Variants in EXOC3 observed in about 807,000 individuals in gnomAD.
The protein encoded by EXOC3 is exocyst complex component 3.
Under a neutral mutation model 73.7 loss-of-function variants are expected in EXOC3, and 21 were observed. The ratio of observed to expected loss-of-function variants is 0.29; its 90% CI spans 0.20 to 0.41. The LOEUF is 0.41. Among genes scored for constraint, EXOC3 ranks in the 10% least tolerant of loss-of-function variants. EXOC3 has a pLI of 1.00. For synonymous variants in EXOC3, 410 were observed against 389.1 expected, an observed-to-expected ratio of 1.05 and a Z score of -0.63; for missense variants, 842 against 985.1, an observed-to-expected ratio of 0.85 and a Z score of 1.95.
chr5:466,715 C>T lies in EXOC3; in HGVS notation c.2067-12C>T, dbSNP rs375645389. ...GCTAAGTGGGCATGGGCTGACATCT[C>T]CCCATCCCCAGGGATGACCACATCG... On this transcript the variant is annotated splice_polypyrimidine_tract_variant and intron_variant, in intron 12 of 12. Transcript: ENST00000512944. 3 of 1,607,038 alleles carry T rather than the reference C, an allele frequency of 1.9e-6. No individual in the cohort carries two copies. The highest frequency in any genetic ancestry group is 1.3e-5 in the African/African-American group (1 of 74,850).
In EXOC3 at chr5:443,182, G is replaced by A. The variant is rs1737375839; in HGVS notation, c.-165G>A. The stretch of plus-strand genomic sequence containing the variant: ...AAGTGCCCGCGCGCTGTCCACTTCC[G>A]GCCGGGACCCCGGAGGCGGAGGCAG... On this transcript the variant is annotated 5_prime_UTR_variant, in exon 1 of 13. Coordinates refer to ENST00000512944, the MANE Select transcript of EXOC3 (RefSeq NM_007277.5). The A allele has an allele frequency of 6.3e-6, 1 of 159,462 alleles. No homozygotes were observed. 9.9% of individuals were successfully genotyped at this position (159,462 alleles called of 1,614,324 possible). A position where few individuals can be genotyped will look rare whatever the true frequency, so the allele number is the denominator to read the frequency against.
intron 6 of EXOC3, 126 bp downstream of exon 6, chr5:458,151 C>G (rs986241124): frequency 1.0e-6 from 1 of 971,670 alleles, no homozygotes; most frequent in African/African-American, 1.6e-5. Context: ...ATTGAGAGCC[C>G]TGCCTGGTGC....
At chr5:446,089 A>G in intron 1 of EXOC3, 61 bp from the exon 2 acceptor site, 1 of 1,148,678 alleles carries the variant, frequency 8.7e-7, no homozygotes, top group Non-Finnish European at 1.3e-6. Context: ...CACTGTGATC[A>G]CCTGATAGTT....
In EXOC3 at chr5:454,198, T is replaced by A. The variant is rs189879344; in HGVS notation, c.1046+147T>A. ...AGCCTTGGTTTCCAGCCCAGGGGTG[T>A]CTTCTTTCTGCTCTGCCTGCTGGTG... On this transcript the variant is annotated intron_variant, in intron 4 of 12. Coordinates refer to ENST00000512944, the MANE Select transcript of EXOC3 (RefSeq NM_007277.5). The A allele has an allele frequency of 1.3e-4, 83 of 652,500 alleles. No homozygotes were observed. In the East Asian group the frequency reaches 2.0e-3, roughly 16 times the overall value. The allele number at this position is 652,500 out of a possible 1,614,324, so 40.4% of individuals were successfully genotyped here. A position where few individuals can be genotyped will look rare whatever the true frequency, so the allele number is the denominator to read the frequency against.
chr5:466,718 C>A lies in EXOC3; in HGVS notation c.2067-9C>A. 1 of 1,607,912 alleles carries A rather than the reference C, an allele frequency of 6.2e-7. No individual in the cohort carries two copies. The highest frequency in any genetic ancestry group is 8.5e-7 in the Non-Finnish European group (1 of 1,176,338). Reference sequence around the variant, plus strand: ...AAGTGGGCATGGGCTGACATCTCCCCATCCCCAGGGATGACCACATCGGTG... The same window carrying A: ...AAGTGGGCATGGGCTGACATCTCCCAATCCCCAGGGATGACCACATCGGTG... On this transcript the variant is annotated splice_polypyrimidine_tract_variant and intron_variant, in intron 12 of 12. Coordinates refer to ENST00000512944, the MANE Select transcript of EXOC3 (RefSeq NM_007277.5).
Position 464,398 on chromosome 5 carries a change from A to G in EXOC3, c.1762A>G (p.Lys588Glu), listed in dbSNP as rs760315956. ...TTTCAACGATTTTGCCAAAATTAAA[A>G]AGCCGTATAAGAAGGTAAGAAGGTG... is the stretch of plus-strand genomic sequence containing the variant. ...DYFNDFAKIKKPYKKRMTAEA... is the reference protein window; with the variant it reads ...DYFNDFAKIKEPYKKRMTAEA... Residue 588 changes from lysine (K) to glutamate (E), a missense_variant, in exon 10 of 13, where the codon AAG becomes GAG. By Grantham distance (56) the Lys-to-Glu change is moderately conservative. Transcript: ENST00000512944. The G allele has an allele frequency of 4.3e-6, 7 of 1,613,592 alleles. No homozygotes were observed. The East Asian group carries it at 1.6e-4, about 36-fold the overall frequency.
rs1738075748 is a variant in EXOC3 at position 464,432 on chromosome 5, T to A, written c.1776+20T>A. 6.2e-7 allele frequency: 1 copy of A among 1,610,518 alleles called. No individual in the cohort carries two copies. Among genetic ancestry groups the A allele is most frequent in the Non-Finnish European group, 8.5e-7 (1 of 1,177,750 alleles). Reference sequence around the variant, plus strand: ...AAGAAGGTAAGAAGGTGGGACCTAGTTCCCTCATCACCTTGACGCTAGGGC... The same window carrying A: ...AAGAAGGTAAGAAGGTGGGACCTAGATCCCTCATCACCTTGACGCTAGGGC... On this transcript the variant is annotated intron_variant, in intron 10 of 12. Transcript: ENST00000512944.
chr5:462,938 T>C (rs1385572897), intron 9 of EXOC3, among the ~76,000 whole-genome samples: 1 of 152,176 alleles, frequency 6.6e-6, no homozygotes, highest in Non-Finnish European at 1.5e-5. Flanking sequence ...AAACCCCATC[T>C]CTACTCAAAA....
At chr5:446,103 G>A in intron 1 of EXOC3, 47 bp from the exon 2 acceptor site, 1 of 1,309,996 alleles carries the variant, frequency 7.6e-7, no homozygotes, top group Non-Finnish European at 1.1e-6. Flanking sequence ...GATAGTTTGG[G>A]GGAGGTTTTG....
Position 465,669 on chromosome 5 carries a change from C to T in EXOC3, c.1939-49C>T. On this transcript the variant is annotated intron_variant, in intron 11 of 12. Transcript: ENST00000512944. The stretch of plus-strand genomic sequence containing the variant: ...TCAGCCAGAATCCAGCTGCTCCCAG[C>T]GCCGCGGGACAGCCGAGGGCGGCTC... The T allele has an allele frequency of 3.1e-6, 5 of 1,609,200 alleles. No individual in the cohort carries two copies. In the South Asian group the frequency reaches 5.5e-5, roughly 18 times the overall value.
chr5:447,718 C>G lies in EXOC3; in HGVS notation c.330C>G (p.Ala110=). ...KDAVVQHSQL[A]AAVENLKNIF... ...CCGTGGTGCAGCACAGCCAGCTCGC[C>G]GCAGCCGTGGAGAACCTCAAGAACA... Residue 110 remains alanine, a synonymous_variant, in exon 3 of 13, where the codon GCC becomes GCG. Coordinates refer to ENST00000512944, the MANE Select transcript of EXOC3 (RefSeq NM_007277.5). 6.3e-7 allele frequency: 1 copy of G among 1,581,604 alleles called. No homozygotes were observed. Among genetic ancestry groups the G allele is most frequent in the Non-Finnish European group, 8.6e-7 (1 of 1,162,316 alleles).
At position 466,956 on chromosome 5, in the gene EXOC3, G is replaced by A. The variant is rs377267756; in HGVS notation, c.*58G>A. ...AGCCTCGGTCCCTGCCTTTAGAAAC[G>A]CGGGACAGCTGATTGCTCTCCTTGG... On this transcript the variant is annotated 3_prime_UTR_variant, in exon 13 of 13. Transcript: ENST00000512944. 28 of 1,485,274 alleles carry A rather than the reference G, an allele frequency of 1.9e-5. No homozygotes were observed. The African/African-American group carries it at 2.1e-4, about 11-fold the overall frequency. The allele number at this position is 1,485,274 out of a possible 1,614,324, so 92.0% of individuals were successfully genotyped here. A position where few individuals can be genotyped will look rare whatever the true frequency, so the allele number is the denominator to read the frequency against.
chr5:458,405 C>T (rs1012112951), intron 6 of EXOC3, among the ~76,000 whole-genome samples: 15 of 152,138 alleles, frequency 9.9e-5, no homozygotes, highest in Admixed American at 3.3e-4. Flanking sequence ...ATTTTGGGAG[C>T]GTCCATTATT....
chr5:456,392 C>T (rs1363186882), intron 4 of EXOC3, among the ~76,000 whole-genome samples: 9 of 75,668 alleles, frequency 1.2e-4, no homozygotes, highest in Admixed American at 1.1e-3. Context: ...GCGCCCGTGG[C>T]TGTGGGGGCG....
chr5:449,964 G>T (rs72717442), intron 3 of EXOC3, among the ~76,000 whole-genome samples: 21,292 of 152,278 alleles, frequency 0.14, 1,937 homozygotes, highest in Non-Finnish European at 0.2. Context: ...TATCCCTTAT[G>T]GCTGGGTGCG....
At position 446,142 on chromosome 5, in the gene EXOC3, T is replaced by A; in HGVS notation, c.-56-8T>A. 1 of 1,597,924 alleles carries A rather than the reference T, an allele frequency of 6.3e-7. No individual in the cohort carries two copies. On this transcript the variant is annotated splice_region_variant and splice_polypyrimidine_tract_variant and intron_variant, in intron 1 of 12. Coordinates refer to ENST00000512944, the MANE Select transcript of EXOC3 (RefSeq NM_007277.5). ...CTAACATTTCTACCGTCCTAACAAC[T>A]CCTGCAGTGCACAGAGAACACCCCT...
Position 453,681 on chromosome 5 carries a change from A to C in EXOC3, c.676A>C (p.Ile226Leu). 2.5e-6 allele frequency: 4 copies of C among 1,613,970 alleles called. No homozygotes were observed. The highest frequency in any genetic ancestry group is 3.4e-6 in the Non-Finnish European group (4 of 1,179,902). The change falls in exon 4 of 13, where the codon ATA becomes CTA. Residue 226 changes from isoleucine to leucine, a missense_variant. Ile to Leu is a conservative substitution (Grantham distance 5). Coordinates refer to ENST00000512944, the MANE Select transcript of EXOC3 (RefSeq NM_007277.5). ...AAGGGAAGAGAAAATTGACAGGCGC[A>C]TACTTGACCGGAAAAAGCAAACTGG... ...IEREEKIDRR[I>L]LDRKKQTGFV...
At chr5:444,021 G>T (rs962576004) in intron 1 of EXOC3, among the ~76,000 whole-genome samples, 2 of 151,898 alleles carry the variant, frequency 1.3e-5, no homozygotes, top group Admixed American at 1.3e-4. Flanking sequence ...CGGCGCAGGC[G>T]TCCCCCCGGT....
chr5:462,282 T>C lies in EXOC3; in HGVS notation c.1628T>C (p.Leu543Pro), dbSNP rs758648199. Residue 543 changes from leucine to proline, a missense_variant, in exon 9 of 13, where the codon CTG becomes CCG. Physicochemically the swap from Leu to Pro is moderately conservative, Grantham distance 98. Coordinates refer to ENST00000512944, the MANE Select transcript of EXOC3 (RefSeq NM_007277.5). ...AIAKEGCSGL[L>P]EEVFLDLEQH... Reference sequence around the variant, plus strand: ...GCGAAGGAGGGCTGCAGCGGTTTGCTGGAGGAGGTCTTCCTGGACCTGGAG... The same window carrying C: ...GCGAAGGAGGGCTGCAGCGGTTTGCCGGAGGAGGTCTTCCTGGACCTGGAG... The C allele has an allele frequency of 6.2e-7, 1 of 1,613,970 alleles. No individual in the cohort carries two copies. Among genetic ancestry groups the C allele is most frequent in the South Asian group, 1.1e-5 (1 of 91,090 alleles).
Sources: gnomAD v4.1 joint callset for allele counts (sites outside exome capture counted in the v4.1 genomes callset) on GRCh38, gnomAD v4.1.1 for gene constraint, MANE v1.5 for transcripts, NCBI Gene and HGNC (gene_info 2026-07-23, HGNC 2026-07-21) for gene names.